ALDH3A1: variants seen among roughly 807,000 people sequenced by gnomAD.
ALDH3A1 encodes aldehyde dehydrogenase 3 family member A1.
Under a neutral mutation model 49.9 loss-of-function variants are expected in ALDH3A1, and 46 were observed. The ratio of observed to expected loss-of-function variants is 0.92; its 90% confidence interval spans 0.73 to 1.18. ALDH3A1 has a LOEUF of 1.18. ALDH3A1 is among the 50% of genes most tolerant of loss of function. ALDH3A1 has a pLI of 0.00. For missense variants in ALDH3A1, 592 were observed against 611.8 expected (o/e 0.97, Z 0.34); for synonymous variants, 269 against 253.3 (o/e 1.06, Z -0.59).
At chr17:19,747,971 C>G (rs891558250) in intron 1 of ALDH3A1, 2 of 182,308 alleles carry the variant, frequency 1.1e-5, no homozygotes, top group African/African-American at 2.3e-5. Context: ...CTTTAGCACT[C>G]GGCTCTGCTG....
intron 2 of ALDH3A1, chr17:19,744,722 TG>T: frequency 2.2e-6 from 3 of 1,345,318 alleles, no homozygotes; most frequent in Non-Finnish European, 1.9e-6. Context: ...GAAGTTGAAA[TG>T]GGGGACGCTG....
chr17:19,740,211 G>C, intron 7 of ALDH3A1, 125 bp downstream of exon 7: 1 of 1,363,956 alleles, frequency 7.3e-7, no homozygotes, highest in South Asian at 1.4e-5. Flanking sequence ...GCTCCCTGGT[G>C]AAAGCAATTT....
rs561218301 is a variant in ALDH3A1, at chr17:19,740,341, T to C, written c.944A>G (p.Tyr315Cys). 1.2e-4 allele frequency: 194 copies of C among 1,613,982 alleles called. 1 individual carries two copies. The South Asian group carries it at 2.0e-3, about 16-fold the overall frequency. The stretch of plus-strand genomic sequence containing the variant: ...GCTCTTCAGGGGTCACGCACCTATG[T>C]AGCGAGTGGCGGCATCCCCGGTGCC... ...YGGTGDAATR[Y>C]IAPTILTDVD... Residue 315 changes from tyrosine (Y) to cysteine (C), a missense_variant, in exon 7 of 11, where the codon TAC (tyrosine) becomes TGC (cysteine). Transcript: ENST00000225740.
At position 19,740,405 on chromosome 17, in the gene ALDH3A1, C is replaced by A. The variant is rs1177562973; in HGVS notation, c.880G>T (p.Val294Leu). 6.2e-7 allele frequency: 1 copy of A among 1,614,136 alleles called. No individual in the cohort carries two copies. The highest frequency in any genetic ancestry group is 8.5e-7 in the Non-Finnish European group (1 of 1,180,034). The stretch of plus-strand genomic sequence containing the variant: ...TTCTGGCCCTCAATCAGGCCCATCA[C>A]CCTCTGGAAGTGCCGGGCACTAATG... The part of the protein sequence containing the change: ...RIISARHFQR[V>L]MGLIEGQKVA... Residue 294 changes from valine (V) to leucine (L), a missense_variant, in exon 7 of 11, where the codon GTG (valine) becomes TTG (leucine). Val to Leu is a conservative substitution (Grantham distance 32, BLOSUM62 1). Coordinates refer to ENST00000225740, the MANE Select transcript of ALDH3A1 (RefSeq NM_000691.5).
chr17:19,741,008 A>C, intron 6 of ALDH3A1, 85 bp downstream of exon 6: 3 of 1,011,704 alleles, frequency 3.0e-6, no homozygotes, highest in Non-Finnish European at 4.6e-6. Context: ...CAGTGTTTCC[A>C]AATCTGTAGA....
chr17:19,747,607 C>G (rs2086617359), intron 1 of ALDH3A1, among the ~76,000 whole-genome samples: 2 of 152,160 alleles, frequency 1.3e-5, no homozygotes, highest in Admixed American at 6.5e-5. Flanking sequence ...GGTGCCACTT[C>G]ACAGAGATGA....
intron 7 of ALDH3A1, among the ~76,000 whole-genome samples, chr17:19,739,884 T>C (rs904334230): frequency 6.6e-6 from 1 of 152,130 alleles, no homozygotes; most frequent in African/African-American, 2.4e-5. Flanking sequence ...TAGGTTAACC[T>C]GTACGGAAGG....
At position 19,743,058 on chromosome 17, in the gene ALDH3A1, C is replaced by T; in HGVS notation, c.394+174G>A. 6.5e-7 allele frequency: 1 copy of T among 1,533,608 alleles called. No homozygotes were observed. Among genetic ancestry groups the T allele is most frequent in the Non-Finnish European group, 8.7e-7 (1 of 1,145,988 alleles). Reference sequence around the variant, plus strand: ...GTGTGGACACCTGAGCCTGACTGGACCTCAGGCACCAAGAGGCCTGGCTAA... The same window carrying T: ...GTGTGGACACCTGAGCCTGACTGGATCTCAGGCACCAAGAGGCCTGGCTAA... On this transcript the variant is annotated intron_variant, in intron 3 of 10. Transcript: ENST00000225740. The surrounding 1 kb of genome is among the most constrained non-coding windows in gnomAD (Gnocchi z 4.4).
At chr17:19,739,797 C>G in intron 7 of ALDH3A1, 123 bp from the exon 8 acceptor site, 1 of 1,266,920 alleles carries the variant, frequency 7.9e-7, no homozygotes, top group South Asian at 1.5e-5. Context: ...TGGAAAAGGG[C>G]AGGGACGAGG....
rs1355926025 is a variant in ALDH3A1 at position 19,743,823 on chromosome 17, G to A, written c.163-360C>T. On this transcript the variant is annotated intron_variant, in intron 2 of 10. Transcript: ENST00000225740. This position sits in a 1 kb window ranked among gnomAD's most constrained non-coding sequence, Gnocchi z 4.4. ...GATCCGGGGAGGGGGGGATGGATCC[G>A]GGGAGGGGGGATAGATTCGGGCACT... The A allele has an allele frequency of 1.2e-5, 12 of 980,930 alleles. No homozygotes were observed. Among genetic ancestry groups the A allele is most frequent in the African/African-American group, 1.1e-4 (6 of 56,660 alleles). 60.8% of individuals were successfully genotyped at this position (980,930 alleles called of 1,614,324 possible).
At chr17:19,742,315 T>C in intron 4 of ALDH3A1, 103 bp from the exon 5 acceptor site, 1 of 1,318,412 alleles carries the variant, frequency 7.6e-7, no homozygotes, top group Non-Finnish European at 1.1e-6. Context: ...GCCCCGAAGC[T>C]CAGCACCCCA....
At chr17:19,744,614 G>A (rs2086563546) in intron 2 of ALDH3A1, 2 of 985,390 alleles carry the variant, frequency 2.0e-6, no homozygotes, top group Non-Finnish European at 2.4e-6. Flanking sequence ...GCCCTCCGGG[G>A]TGCCAAGCTG....
rs182425984 is a variant in ALDH3A1 at position 19,747,124 on chromosome 17, T to A, written c.-6+1135A>T. ...CAGAAATAGGGTATTTCCATTTTTT[T>A]AAAAAACCCTATATATCATATGTAA... On this transcript the variant is annotated intron_variant, in intron 1 of 10. Coordinates refer to ENST00000225740, the MANE Select transcript of ALDH3A1 (RefSeq NM_000691.5). 3.3e-3 allele frequency among the ~76,000 whole-genome samples: 500 copies of A among 152,198 alleles called. 2 individuals carry two copies. Among genetic ancestry groups the A allele is most frequent in the East Asian group, 0.024 (124 of 5,190 alleles).
intron 8 of ALDH3A1, 100 bp from the exon 9 acceptor site, chr17:19,739,195 G>A: frequency 9.3e-7 from 1 of 1,073,500 alleles, no homozygotes; most frequent in South Asian, 1.4e-5. Flanking sequence ...CACAAGGACA[G>A]GAGCAGGTGG....
intron 8 of ALDH3A1, 49 bp downstream of exon 8, chr17:19,739,459 C>T (rs748398774): frequency 1.9e-6 from 3 of 1,572,234 alleles, no homozygotes; most frequent in East Asian, 2.3e-5. Flanking sequence ...GAACCCAGGT[C>T]TGTGGGCCCC....
At chr17:19,746,611 A>G (rs970799115) in intron 1 of ALDH3A1, among the ~76,000 whole-genome samples, 4 of 150,424 alleles carry the variant, frequency 2.7e-5, no homozygotes, top group Non-Finnish European at 5.9e-5. Context: ...AGGCGTGTGC[A>G]TGTGTGTGTG....
At position 19,743,247 on chromosome 17, in the gene ALDH3A1, C is replaced by T. The variant is rs1386225659; in HGVS notation, c.379G>A (p.Gly127Ser). The change falls in exon 3 of 11, where the codon GGC (glycine) becomes AGC (serine). Residue 127 changes from glycine (G) to serine (S), a missense_variant. Coordinates refer to ENST00000225740, the MANE Select transcript of ALDH3A1 (RefSeq NM_000691.5). The surrounding 1 kb of genome is among the most constrained non-coding windows in gnomAD (Gnocchi z 4.4). ...GGCCATGCACCTGCAGCGATGGCGCCCACCATGGGCTGGATGGTGAGGTTG... is the reference window on the plus strand; with the variant it reads ...GGCCATGCACCTGCAGCGATGGCGCTCACCATGGGCTGGATGGTGAGGTTG... Reference protein sequence around the residue: ...PFNLTIQPMVGAIAAGNSVVL... With the variant: ...PFNLTIQPMVSAIAAGNSVVL... The T allele has an allele frequency of 6.2e-7, 1 of 1,613,608 alleles. No homozygotes were observed. The highest frequency in any genetic ancestry group is 1.3e-5 in the African/African-American group (1 of 74,908).
rs776900761 is a variant in ALDH3A1, at chr17:19,748,244, A to G, written c.-6+15T>C. On this transcript the variant is annotated intron_variant, in intron 1 of 10. Transcript: ENST00000225740. This position sits in a 1 kb window ranked among gnomAD's most constrained non-coding sequence, Gnocchi z 4.4. The stretch of plus-strand genomic sequence containing the variant: ...AGACAAGAGAAAAAATAAGGAATGC[A>G]GGGAAGAGGATTACCTTTGACACAG... The G allele has an allele frequency of 1.0e-5, 5 of 483,178 alleles. No homozygotes were observed. Among genetic ancestry groups the G allele is most frequent in the Admixed American group, 4.3e-5 (2 of 46,026 alleles). The allele number at this position is 483,178 out of a possible 1,614,324, so 29.9% of individuals were successfully genotyped here.
In ALDH3A1 at chr17:19,738,111, G is replaced by A. The variant is rs1248553999; in HGVS notation, c.*110C>T. ...GGTCAGCAGGTCAGCAGAGGAGTGG[G>A]GCTGGGCTGGGGCTGCAGGAGCGAT... On this transcript the variant is annotated 3_prime_UTR_variant, in exon 11 of 11. Coordinates refer to ENST00000225740, the MANE Select transcript of ALDH3A1 (RefSeq NM_000691.5). 6 of 1,599,298 alleles carry A rather than the reference G, an allele frequency of 3.8e-6. No homozygotes were observed. The African/African-American group carries it at 5.3e-5, about 14-fold the overall frequency.
Sources: gnomAD v4.1 joint callset for allele counts (sites outside exome capture counted in the v4.1 genomes callset) on GRCh38, gnomAD v4.1.1 for gene constraint, Gnocchi (gnomAD v3.1) non-coding constraint, MANE v1.5 for transcripts, NCBI Gene and HGNC (gene_info 2026-07-23, HGNC 2026-07-21) for gene names.